BMPR1A: variants seen among roughly 807,000 people sequenced by gnomAD.
The protein encoded by BMPR1A is bone morphogenetic protein receptor type 1A, also known as bone morphogenetic protein receptor type-1A.
Under a neutral mutation model 66.0 loss-of-function variants are expected in BMPR1A, and 7 were observed. The observed-to-expected ratio is 0.11, with a 90% CI of 0.06 to 0.20. The LOEUF (loss-of-function observed/expected upper bound fraction) is 0.20. Ranked by LOEUF, BMPR1A falls within the 10% of genes least tolerant of loss-of-function variation. The pLI is 1.00. For synonymous variants in BMPR1A, 200 were observed against 229.7 expected, an observed-to-expected ratio of 0.87 and a Z score of 1.17; for missense variants, 408 against 669.1, an observed-to-expected ratio of 0.61 and a Z score of 4.31.
chr10:86,798,127 A>G (rs1215016570), intron 1 of BMPR1A, among the ~76,000 whole-genome samples: 1 of 152,082 alleles, frequency 6.6e-6, no homozygotes, highest in Non-Finnish European at 1.5e-5. Flanking sequence ...TCATTCTTAT[A>G]TAAGCATATT....
chr10:86,913,283 A>T lies in BMPR1A; in HGVS notation c.675+899A>T, dbSNP rs375247271. On this transcript the variant is annotated intron_variant, in intron 8 of 12. Transcript: ENST00000372037. The stretch of plus-strand genomic sequence containing the variant: ...GAATTACCAGATGCACCACCACACC[A>T]GGCTAATTTTTTTTTTTTTTTTTTT... 3.6e-3 allele frequency among the ~76,000 whole-genome samples: 486 copies of T among 134,674 alleles called. 2 individuals carry two copies. The highest frequency in any genetic ancestry group is 0.013 in the African/African-American group (450 of 35,306). The allele number at this position is 134,674 out of a possible 152,430, so 88.4% of individuals were successfully genotyped here.
chr10:86,784,731 C>T (rs1440901179), intron 1 of BMPR1A, among the ~76,000 whole-genome samples: 5 of 152,062 alleles, frequency 3.3e-5, no homozygotes, highest in African/African-American at 7.2e-5. Context: ...TGATTCAGTC[C>T]TGGCAGGTTG....
At chr10:86,802,817 AAGG>A (rs1451522666) in intron 1 of BMPR1A, among the ~76,000 whole-genome samples, 3 of 151,914 alleles carry the variant, frequency 2.0e-5, no homozygotes, top group South Asian at 2.1e-4. Flanking sequence ...AAAAAAAAAA[AAGG>A]AGTTAATTGG....
intron 1 of BMPR1A, among the ~76,000 whole-genome samples, chr10:86,794,634 G>A (rs534960406): frequency 2.0e-5 from 3 of 151,998 alleles, no homozygotes; most frequent in Admixed American, 6.6e-5. Context: ...AGGTGAGAAC[G>A]TTCAGTACAT....
At chr10:86,769,141 T>TAGG (rs1192753941) in intron 1 of BMPR1A, among the ~76,000 whole-genome samples, 4 of 152,236 alleles carry the variant, frequency 2.6e-5, no homozygotes, top group Admixed American at 2.6e-4. Context: ...CTTCTGTGTA[T>TAGG]CATCAGTACT....
chr10:86,895,793 C>A (rs541597346), intron 5 of BMPR1A, among the ~76,000 whole-genome samples: 1 of 152,146 alleles, frequency 6.6e-6, no homozygotes, highest in South Asian at 2.1e-4. Context: ...TTTTGGAGGC[C>A]GAGGCGGGCA....
chr10:86,794,020 T>TA (rs765121280), intron 1 of BMPR1A, among the ~76,000 whole-genome samples: 39 of 152,174 alleles, frequency 2.6e-4, no homozygotes, highest in Non-Finnish European at 5.0e-4. Context: ...TCTCTGCTTT[T>TA]AAGGACCATG....
chr10:86,780,304 G>A (rs1460030411), intron 1 of BMPR1A, among the ~76,000 whole-genome samples: 4 of 152,098 alleles, frequency 2.6e-5, no homozygotes, highest in Non-Finnish European at 5.9e-5. Flanking sequence ...TAGCTTTTTA[G>A]TTTAATATAA....
rs1843715455 is a variant in BMPR1A, at chr10:86,924,667, ATTC to A, written c.*951_*953del. On this transcript the variant is annotated 3_prime_UTR_variant, in exon 13 of 13. Coordinates refer to ENST00000372037, the MANE Select transcript of BMPR1A (RefSeq NM_004329.3). ...GTAAGTGCCTATAACCATGTTCTAT[ATTC>A]TTTATTCTCAGTAACTTTTAAAAGG... is the stretch of plus-strand genomic sequence containing the variant. The A allele has an allele frequency of 4.3e-6, 1 of 233,032 alleles. No individual in the cohort carries two copies. The allele number at this position is 233,032 out of a possible 1,614,324, so 14.4% of individuals were successfully genotyped here. A position where few individuals can be genotyped will look rare whatever the true frequency, so the allele number is the denominator to read the frequency against.
rs551159900 is a variant in BMPR1A, at chr10:86,819,561, A to G, written c.-267-19304A>G. On this transcript the variant is annotated intron_variant, in intron 1 of 12. Transcript: ENST00000372037. ...TGATCCGCCCACTTCGGCCTCCCCA[A>G]GTGCTAGGATTACAGGCGTGAGCCA... 6.6e-5 allele frequency among the ~76,000 whole-genome samples: 10 copies of G among 152,196 alleles called. No individual in the cohort carries two copies. The South Asian group carries it at 1.5e-3, about 22-fold the overall frequency.
At chr10:86,909,206 A>T (rs570244744) in intron 7 of BMPR1A, among the ~76,000 whole-genome samples, 12 of 152,324 alleles carry the variant, frequency 7.9e-5, no homozygotes, top group African/African-American at 2.6e-4. Context: ...AGGGTGTTAA[A>T]TGATCAGTTA....
intron 1 of BMPR1A, among the ~76,000 whole-genome samples, chr10:86,800,747 A>G (rs2058991984): frequency 6.6e-6 from 1 of 152,236 alleles, no homozygotes. Context: ...TGCGAAAATA[A>G]TGAACATTTC....
At chr10:86,766,852 T>G (rs1349928858) in intron 1 of BMPR1A, among the ~76,000 whole-genome samples, 3 of 145,366 alleles carry the variant, frequency 2.1e-5, no homozygotes, top group Admixed American at 7.0e-5. Flanking sequence ...GGAGACCGAG[T>G]CTTGCTCTGC....
chr10:86,773,318 G>C (rs1210423982), intron 1 of BMPR1A, among the ~76,000 whole-genome samples: 1 of 152,008 alleles, frequency 6.6e-6, no homozygotes, highest in African/African-American at 2.4e-5. Context: ...GCCAGGTGTG[G>C]TGGCTCACGC....
chr10:86,911,962 C>T lies in BMPR1A; in HGVS notation c.531-278C>T, dbSNP rs566102754. ...AATGTATATTGTGATTATTTGAAGT[C>T]GTATTTTTTTATAGCTAGGATGACA... On this transcript the variant is annotated intron_variant, in intron 7 of 12. Transcript: ENST00000372037. Among the ~76,000 whole-genome samples, 23 of 152,106 alleles carry T rather than the reference C, an allele frequency of 1.5e-4. No homozygotes were observed. The South Asian group carries it at 4.6e-3, about 30-fold the overall frequency.
chr10:86,845,914 G>C (rs1228784647), intron 2 of BMPR1A, among the ~76,000 whole-genome samples: 1 of 151,772 alleles, frequency 6.6e-6, no homozygotes, highest in African/African-American at 2.4e-5. Flanking sequence ...GGAGAATGGC[G>C]TGGACTCGGG....
At chr10:86,855,904 C>T in intron 2 of BMPR1A, 1 of 661,082 alleles carries the variant, frequency 1.5e-6, no homozygotes, top group Non-Finnish European at 2.7e-6. Context: ...GCTTTTCAAA[C>T]TGGCTAGGAT....
intron 7 of BMPR1A, among the ~76,000 whole-genome samples, chr10:86,905,236 G>T (rs958842844): frequency 2.0e-5 from 3 of 152,054 alleles, no homozygotes; most frequent in Non-Finnish European, 4.4e-5. Context: ...CTGGAACCAT[G>T]GCCTCCCTCC....
chr10:86,837,230 G>GCTGTGTGTGTGTGT (rs1554883360), intron 1 of BMPR1A, among the ~76,000 whole-genome samples: 2 of 86,862 alleles, frequency 2.3e-5, no homozygotes, highest in African/African-American at 7.6e-5. Flanking sequence ...TTAGAATCAG[G>GCTGTGTGTGTGTGT]CTGTGTGTGT....
Sources: gnomAD v4.1 joint callset for allele counts (sites outside exome capture counted in the v4.1 genomes callset) on GRCh38, gnomAD v4.1.1 for gene constraint, MANE v1.5 for transcripts, NCBI Gene and HGNC (gene_info 2026-07-23, HGNC 2026-07-21) for gene names.